The following PEX5 variants were observed in gnomAD, a reference collection of about 807,000 sequenced individuals.
PEX5 encodes the protein PTS1 receptor.
In PEX5, 52 loss-of-function variants were observed where a neutral mutation model predicts 82.9. The ratio of observed to expected loss-of-function variants is 0.63; its 90% confidence interval spans 0.50 to 0.79. The LOEUF is 0.79. PEX5 is among the 30% of genes least tolerant of loss of function. The pLI, the probability that PEX5 is intolerant of heterozygous loss-of-function variation, is 0.00. For synonymous variants in PEX5, 300 were observed against 318.8 expected (o/e 0.94, Z 0.63); for missense variants, 719 against 815.2 (o/e 0.88, Z 1.44).
intron 5 of PEX5, among the ~76,000 whole-genome samples, chr12:7,195,675 T>C (rs764478086): frequency 4.6e-5 from 7 of 151,696 alleles, no homozygotes; most frequent in Non-Finnish European, 8.8e-5. Context: ...TTCTGTGAAT[T>C]TGAGGAGCAC....
Position 7,208,569 on chromosome 12 carries a change from T to C in PEX5, c.1294T>C (p.Tyr432His). ...TGAAACCCTACGAGACTGGCTGCGG[T>C]ACACACCAGCCTATGCCCATCTGGT... ...ACETLRDWLR[Y>H]TPAYAHLVTP... Residue 432 changes from tyrosine to histidine, a missense_variant, in exon 13 of 16, where the codon TAC becomes CAC. Tyr to His is a moderately conservative substitution (Grantham distance 83). Coordinates refer to ENST00000675855, the MANE Select transcript of PEX5 (RefSeq NM_001351132.2). The C allele has an allele frequency of 1.2e-6, 2 of 1,614,036 alleles. No individual in the cohort carries two copies. The highest frequency in any genetic ancestry group is 1.6e-4 in the Middle Eastern group (1 of 6,062).
At position 7,190,362 on chromosome 12, in the gene PEX5, A is replaced by C; in HGVS notation, c.-16A>C. 1.9e-6 allele frequency: 3 copies of C among 1,614,140 alleles called. No individual in the cohort carries two copies. The highest frequency in any genetic ancestry group is 2.5e-6 in the Non-Finnish European group (3 of 1,180,016). ...GTTCCAAACCTCCTGTGTCCATCAGAGAGCTGGCGGTCACCATGGCAATGC... is the reference window on the plus strand; with the variant it reads ...GTTCCAAACCTCCTGTGTCCATCAGCGAGCTGGCGGTCACCATGGCAATGC... On this transcript the variant is annotated splice_region_variant and 5_prime_UTR_variant, in exon 2 of 16. Coordinates refer to ENST00000675855, the MANE Select transcript of PEX5 (RefSeq NM_001351132.2).
intron 4 of PEX5, 73 bp from the exon 5 acceptor site, chr12:7,191,496 A>C: frequency 6.2e-7 from 1 of 1,601,510 alleles, no homozygotes; most frequent in Non-Finnish European, 8.6e-7. Context: ...TTTCACGTGG[A>C]TTCAGGGTTC....
rs1943550234 is a variant in PEX5 at position 7,200,068 on chromosome 12, G to C, written c.551+955G>C. Reference sequence around the variant, plus strand: ...GGACGGGGCGGCTGGCCGGGCGGGGGGCTGACCCCCACCTCCCTCCCGGAC... The same window carrying C: ...GGACGGGGCGGCTGGCCGGGCGGGGCGCTGACCCCCACCTCCCTCCCGGAC... On this transcript the variant is annotated intron_variant, in intron 6 of 15. Coordinates refer to ENST00000675855, the MANE Select transcript of PEX5 (RefSeq NM_001351132.2). Among the ~76,000 whole-genome samples the C allele has an allele frequency of 3.3e-5, 3 of 90,768 alleles. 1 individual carries two copies. Among genetic ancestry groups the C allele is most frequent in the Non-Finnish European group, 8.1e-5 (3 of 37,058 alleles). 59.5% of individuals were successfully genotyped at this position (90,768 alleles called of 152,430 possible).
At chr12:7,197,727 G>A (rs1312706890) in intron 5 of PEX5, among the ~76,000 whole-genome samples, 6 of 151,992 alleles carry the variant, frequency 3.9e-5, no homozygotes, top group South Asian at 4.1e-4. Flanking sequence ...CTTTAATACC[G>A]AAGGGGTAGT....
downstream of PEX5, among the ~76,000 whole-genome samples, chr12:7,214,313 C>T (rs781770727): frequency 2.3e-4 from 35 of 152,062 alleles, no homozygotes; most frequent in South Asian, 6.0e-3. Context: ...AGACTTGGAA[C>T]CAACCCAAAT....
At chr12:7,205,792 A>G (rs1944685736) in intron 10 of PEX5, among the ~76,000 whole-genome samples, 1 of 152,234 alleles carries the variant, frequency 6.6e-6, no homozygotes, top group Non-Finnish European at 1.5e-5. Context: ...GGAAACTTAG[A>G]GAATCCTGTG....
intron 5 of PEX5, among the ~76,000 whole-genome samples, chr12:7,197,551 TATATA>T (rs1474248485): frequency 2.5e-4 from 34 of 136,378 alleles, no homozygotes; most frequent in Admixed American, 5.8e-4. Context: ...ATATATGTTA[TATATA>T]ATATAATAAG....
Position 7,207,780 on chromosome 12 carries a change from A to G in PEX5, c.1088A>G (p.Gln363Arg). Residue 363 changes from glutamine to arginine, a missense_variant, in exon 11 of 16, where the codon CAG becomes CGG. By Grantham distance (43) the Gln-to-Arg change is conservative. Transcript: ENST00000675855. ...GTGCTGCTTTTTGAGGCAGCTGTGC[A>G]GCAGGATCCTAAGCACATGGAAGTG... ...NAVLLFEAAV[Q>R]QDPKHMEAWQ... is the part of the protein sequence containing the mutation. 6.2e-7 allele frequency: 1 copy of G among 1,614,160 alleles called. No homozygotes were observed. The highest frequency in any genetic ancestry group is 8.5e-7 in the Non-Finnish European group (1 of 1,180,014).
At chr12:7,200,076 C>G (rs925367231) in intron 6 of PEX5, among the ~76,000 whole-genome samples, 1 of 138,928 alleles carries the variant, frequency 7.2e-6, no homozygotes, top group South Asian at 2.4e-4. Context: ...GGGGCTGACC[C>G]CCACCTCCCT....
downstream of PEX5, among the ~76,000 whole-genome samples, chr12:7,213,580 A>G (rs1294765661): frequency 6.7e-6 from 1 of 149,606 alleles, no homozygotes; most frequent in Non-Finnish European, 1.5e-5. Flanking sequence ...TCAATTCAAG[A>G]TGGATTAAAG....
In PEX5 at chr12:7,191,271, C is replaced by T. The variant is rs768373250; in HGVS notation, c.229C>T (p.Arg77Cys). 7 of 1,614,084 alleles carry T rather than the reference C, an allele frequency of 4.3e-6. No homozygotes were observed. Among genetic ancestry groups the T allele is most frequent in the East Asian group, 2.2e-5 (1 of 44,884 alleles). The change falls in exon 4 of 16, where the codon CGT becomes TGT. Residue 77 changes from arginine (R) to cysteine (C), a missense_variant. Coordinates refer to ENST00000675855, the MANE Select transcript of PEX5 (RefSeq NM_001351132.2). ...GGACCAGAATGCACCCCTTGTGTCC[C>T]GTGCCCCTCAGACCTTCAAGATGGA... The part of the protein sequence containing the change: ...LQDQNAPLVS[R>C]APQTFKMDDL...
intron 5 of PEX5, among the ~76,000 whole-genome samples, chr12:7,195,795 C>G (rs1941961940): frequency 6.6e-6 from 1 of 151,180 alleles, no homozygotes; most frequent in African/African-American, 2.4e-5. Flanking sequence ...AGAATTTCAA[C>G]TAAGAATGGA....
chr12:7,195,781 G>A (rs1300391783), intron 5 of PEX5, among the ~76,000 whole-genome samples: 1 of 151,114 alleles, frequency 6.6e-6, no homozygotes, highest in Non-Finnish European at 1.5e-5. Context: ...ACAGAATGGA[G>A]CTAAGAATTT....
At chr12:7,211,975 T>G (rs1171855277), downstream of PEX5, among the ~76,000 whole-genome samples, 1 of 151,360 alleles carries the variant, frequency 6.6e-6, no homozygotes, top group Non-Finnish European at 1.5e-5. Context: ...TTTTGTTTTT[T>G]TTTTTTTAAG....
chr12:7,210,155 G>A lies in PEX5; in HGVS notation c.1852G>A (p.Asp618Asn), dbSNP rs377482928. ...GGCATTGTCTATGTTAGGCCAGAGC[G>A]ATGCCTATGGGGCAGCCGACGCGCG... Reference protein sequence around the residue: ...RLALSMLGQSDAYGAADARDL... With the variant: ...RLALSMLGQSNAYGAADARDL... Residue 618 changes from aspartate to asparagine, a missense_variant, in exon 16 of 16, where the codon GAT becomes AAT. Coordinates refer to ENST00000675855, the MANE Select transcript of PEX5 (RefSeq NM_001351132.2). 12 of 1,614,104 alleles carry A rather than the reference G, an allele frequency of 7.4e-6. No individual in the cohort carries two copies. Among genetic ancestry groups the A allele is most frequent in the African/African-American group, 6.7e-5 (5 of 74,932 alleles).
At chr12:7,199,620 A>G (rs377444159) in intron 6 of PEX5, among the ~76,000 whole-genome samples, 9,620 of 150,368 alleles carry the variant, frequency 0.064, 412 homozygotes, top group South Asian at 0.2. Flanking sequence ...ACACAGACAC[A>G]GCAACCATCG....
intron 10 of PEX5, among the ~76,000 whole-genome samples, chr12:7,206,950 C>T (rs1003099313): frequency 2.0e-5 from 3 of 152,110 alleles, no homozygotes; most frequent in Non-Finnish European, 4.4e-5. Context: ...GTGTAAAATG[C>T]CAGTTGACAA....
rs1555175931 is a variant in PEX5 at position 7,197,232 on chromosome 12, T to TATATAATGTAATAATTATATATGTCTA, written c.449-1777_449-1776insATAATGTAATAATTATATATGTCTAAT. Among the ~76,000 whole-genome samples, 2 of 44,714 alleles carry TATATAATGTAATAATTATATATGTCTA rather than the reference T, an allele frequency of 4.5e-5. 1 individual carries two copies. The highest frequency in any genetic ancestry group is 1.0e-4 in the Non-Finnish European group (2 of 20,090). 29.3% of individuals were successfully genotyped at this position (44,714 alleles called of 152,430 possible). A position where few individuals can be genotyped will look rare whatever the true frequency, so the allele number is the denominator to read the frequency against. ...ATATATAATGTAATTATATATGTCA[T>TATATAATGTAATAATTATATATGTCTA]ATGTAATAATTATATGTCATATGTA... On this transcript the variant is annotated intron_variant, in intron 5 of 15. Coordinates refer to ENST00000675855, the MANE Select transcript of PEX5 (RefSeq NM_001351132.2).
Sources: gnomAD v4.1 joint callset for allele counts (sites outside exome capture counted in the v4.1 genomes callset) on GRCh38, gnomAD v4.1.1 for gene constraint, MANE v1.5 for transcripts, NCBI Gene and HGNC (gene_info 2026-07-23, HGNC 2026-07-21) for gene names.